SLC4A8: variants seen among roughly 807,000 people sequenced by gnomAD.
The protein encoded by SLC4A8 is electroneutral sodium bicarbonate exchanger 1.
SLC4A8 carries 40 observed loss-of-function variants against 125.0 expected under a neutral mutation model. That is an observed-to-expected ratio of 0.32 (90% CI 0.25 to 0.42). SLC4A8 has a LOEUF of 0.42. SLC4A8 is among the 10% of genes least tolerant of loss of function. SLC4A8 has a pLI of 1.00. For synonymous variants in SLC4A8, 456 were observed against 476.0 expected (o/e 0.96, Z 0.55); for missense variants, 863 against 1,355.1 (o/e 0.64, Z 5.70).
chr12:51,496,859 T>G, intron 21 of SLC4A8, 128 bp from the exon 22 acceptor site: 1 of 837,826 alleles, frequency 1.2e-6, no homozygotes, highest in Non-Finnish European at 1.9e-6. Flanking sequence ...AAATGGTGAC[T>G]GTTAGGATTA....
At chr12:51,461,315 C>T (rs1283278991) in intron 9 of SLC4A8, 24 bp downstream of exon 9, 5 of 1,279,192 alleles carry the variant, frequency 3.9e-6, no homozygotes, top group Non-Finnish European at 5.7e-6. Context: ...TTGCTTCAGT[C>T]TTCCATCTCA....
intron 11 of SLC4A8, among the ~76,000 whole-genome samples, chr12:51,465,825 C>A (rs561863333): frequency 8.0e-4 from 122 of 152,332 alleles, no homozygotes; most frequent in African/African-American, 2.8e-3. Context: ...TGGCCTCTTT[C>A]TCAGTCTCAA....
chr12:51,450,962 A>C lies in SLC4A8; in HGVS notation c.217A>C (p.Arg73=). The C allele has an allele frequency of 6.3e-7, 1 of 1,597,808 alleles. No homozygotes were observed. Among genetic ancestry groups the C allele is most frequent in the East Asian group, 2.3e-5 (1 of 44,404 alleles). The change falls in exon 3 of 25, where the codon AGA becomes CGA. Residue 73 remains arginine (R), a synonymous_variant. Transcript: ENST00000453097. The stretch of plus-strand genomic sequence containing the variant: ...CCGCACTCATGGCCAGAAGCACCGG[A>C]GACGAGGGCGGGGCAAAGGAGCCAG... ...HHRTHGQKHR[R]RGRGKGASQG... is the part of the protein sequence containing the mutation.
intron 6 of SLC4A8, 74 bp from the exon 7 acceptor site, chr12:51,458,485 C>G (rs1029527385): frequency 3.8e-6 from 4 of 1,057,410 alleles, no homozygotes; most frequent in African/African-American, 1.6e-5. Flanking sequence ...GCAGAACCAA[C>G]TGATGATGGG....
chr12:51,500,726 G>T (rs1486280546), intron 22 of SLC4A8, among the ~76,000 whole-genome samples: 1 of 151,074 alleles, frequency 6.6e-6, no homozygotes, highest in African/African-American at 2.4e-5. Context: ...TCGCTCTTTC[G>T]CCCAGGCTGG....
At chr12:51,395,921 C>T (rs1341230441) in intron 1 of SLC4A8, among the ~76,000 whole-genome samples, 2 of 152,208 alleles carry the variant, frequency 1.3e-5, no homozygotes, top group Admixed American at 6.5e-5. Flanking sequence ...TACTTTCCTG[C>T]ATATTCACAT....
chr12:51,432,527 A>C (rs770798888), intron 1 of SLC4A8, among the ~76,000 whole-genome samples: 16 of 152,060 alleles, frequency 1.1e-4, no homozygotes, highest in Non-Finnish European at 1.9e-4. Flanking sequence ...GATAGAGACC[A>C]TCCTAGCGAA....
chr12:51,487,555 C>T (rs1041198254), intron 17 of SLC4A8, among the ~76,000 whole-genome samples: 4 of 152,170 alleles, frequency 2.6e-5, no homozygotes, highest in Non-Finnish European at 2.9e-5. Context: ...CAGTTGGTAT[C>T]CCTGGCCTTT....
intron 7 of SLC4A8, 43 bp downstream of exon 7, chr12:51,458,693 CT>C: frequency 7.5e-7 from 1 of 1,325,362 alleles, no homozygotes; most frequent in Non-Finnish European, 1.1e-6. Context: ...CCTAAGGTTC[CT>C]TTTAGTGGAA....
upstream of SLC4A8, among the ~76,000 whole-genome samples, chr12:51,424,066 C>CACA (rs1948877470): frequency 4.7e-5 from 5 of 106,234 alleles, no homozygotes; most frequent in South Asian, 6.3e-4. Context: ...AAAAAAACAA[C>CACA]AAAAAAAAAA....
chr12:51,391,626 C>G (rs1948112799), intron 1 of SLC4A8: 1 of 152,316 alleles, frequency 6.6e-6, no homozygotes, highest in South Asian at 2.1e-4. Context: ...AAAGCCGCAG[C>G]CGCGCCGCGG....
At chr12:51,503,110 G>A (rs958437834) in intron 22 of SLC4A8, among the ~76,000 whole-genome samples, 1 of 151,858 alleles carries the variant, frequency 6.6e-6, no homozygotes, top group Non-Finnish European at 1.5e-5. Flanking sequence ...CCAAAGTGCT[G>A]GGATTACAGG....
At chr12:51,478,019 G>A (rs374736035) in intron 16 of SLC4A8, among the ~76,000 whole-genome samples, 1 of 151,992 alleles carries the variant, frequency 6.6e-6, no homozygotes, top group African/African-American at 2.4e-5. Flanking sequence ...GCTCACGCCT[G>A]TAATCCCAGA....
chr12:51,459,984 G>A lies in SLC4A8; in HGVS notation c.889G>A (p.Gly297Arg). The A allele has an allele frequency of 6.2e-7, 1 of 1,613,696 alleles. No homozygotes were observed. The highest frequency in any genetic ancestry group is 8.5e-7 in the Non-Finnish European group (1 of 1,179,706). ...DLHFMKKIPT[G>R]AEASNVLVGE... ...TCATTTCATGAAAAAAATTCCTACT[G>A]GGGCCGAGGCCTCCAATGTCCTGGT... Residue 297 changes from glycine to arginine, a missense_variant, in exon 8 of 25, where the codon GGG becomes AGG. By Grantham distance (125) the Gly-to-Arg change is moderately radical. Around this residue, in one of 6 missense-constraint regions of SLC4A8, gnomAD observed 390 missense variants for 634.4 expected, o/e 0.61. Transcript: ENST00000453097.
chr12:51,469,920 G>T, intron 12 of SLC4A8, 132 bp downstream of exon 12: 1 of 738,858 alleles, frequency 1.4e-6, no homozygotes, highest in Non-Finnish European at 2.3e-6. Flanking sequence ...AATTACCATG[G>T]TCTTCTGACA....
At chr12:51,398,189 T>C (rs1169612851) in intron 1 of SLC4A8, among the ~76,000 whole-genome samples, 1 of 152,234 alleles carries the variant, frequency 6.6e-6, no homozygotes, top group African/African-American at 2.4e-5. Context: ...TATTCAAGTT[T>C]CTAGTTTATG....
chr12:51,444,680 G>C (rs184701323), intron 2 of SLC4A8, among the ~76,000 whole-genome samples: 5 of 152,102 alleles, frequency 3.3e-5, no homozygotes, highest in Non-Finnish European at 7.4e-5. Context: ...TTGAACCATC[G>C]TGTCTTTTCT....
intron 5 of SLC4A8, 147 bp downstream of exon 5, chr12:51,453,846 T>G: frequency 1.7e-6 from 1 of 577,104 alleles, no homozygotes. Flanking sequence ...TCCTTGGCTG[T>G]GGGAAGGGTT....
chr12:51,400,828 GTATATAAACATATATGTT>G lies in SLC4A8; in HGVS notation c.-112+9347_-112+9364del, dbSNP rs1565749444. 4.5e-3 allele frequency among the ~76,000 whole-genome samples: 367 copies of G among 81,140 alleles called. 7 individuals carry two copies. The highest frequency in any genetic ancestry group is 0.018 in the African/African-American group (344 of 18,994). 53.2% of individuals were successfully genotyped at this position (81,140 alleles called of 152,430 possible). ...TATATAAACATATATGTTTATATAC[GTATATAAACATATATGTT>G]TATATACGTATATAAACATATATAT... On this transcript the variant is annotated intron_variant, in intron 1 of 24. Transcript: ENST00000358657.
Sources: allele counts gnomAD v4.1 joint callset (sites outside exome capture counted in the v4.1 genomes callset), GRCh38; gene constraint gnomAD v4.1.1; regional missense constraint gnomAD v4.1.1; transcripts MANE v1.5; gene names NCBI Gene and HGNC (gene_info 2026-07-23, HGNC 2026-07-21).